IL1RAPL1: variants seen among roughly 807,000 people sequenced by gnomAD.
IL1RAPL1 encodes interleukin 1 receptor accessory protein like 1.
A neutral mutation model predicts 48.4 loss-of-function variants in IL1RAPL1; 3 were observed. The observed-to-expected ratio is 0.06, with a 90% CI of 0.03 to 0.16. IL1RAPL1 has a LOEUF of 0.16. Ranked by LOEUF, IL1RAPL1 falls within the 10% of genes least tolerant of loss-of-function variation. IL1RAPL1 has a pLI of 1.00. For missense variants in IL1RAPL1, 349 were observed against 530.6 expected (o/e 0.66, Z 3.36); for synonymous variants, 185 against 187.7 (o/e 0.99, Z 0.12).
intron 3 of IL1RAPL1, among the ~76,000 whole-genome samples, chrX:29,336,189 GTA>G (rs769850706): frequency 2.8e-4 from 26 of 94,056 alleles, no homozygotes; most frequent in African/African-American, 4.2e-4. Context: ...AGGTGTGTGT[GTA>G]TATATATATA....
At chrX:28,753,822 C>A (rs748789019) in intron 1 of IL1RAPL1, among the ~76,000 whole-genome samples, 1 of 111,188 alleles carries the variant, frequency 9.0e-6, no homozygotes, top group South Asian at 3.8e-4. Flanking sequence ...TCACCCACAT[C>A]TTTTCCCCTA....
In IL1RAPL1 at chrX:28,917,687, T is replaced by C. The variant is rs1923520263; in HGVS notation, c.82+128262T>C. Among the ~76,000 whole-genome samples, 4 of 112,330 alleles carry C rather than the reference T, an allele frequency of 3.6e-5. No homozygotes were observed. In the Admixed American group the frequency reaches 3.8e-4, roughly 11 times the overall value. On this transcript the variant is annotated intron_variant, in intron 2 of 10. Coordinates refer to ENST00000378993, the MANE Select transcript of IL1RAPL1 (RefSeq NM_014271.4). ...AAACACACTATACCTGAGTTGGAAA[T>C]ATCAGCAAATGTGTTTCTAGATGGA...
At chrX:28,829,919 T>C (rs750738689) in intron 2 of IL1RAPL1, among the ~76,000 whole-genome samples, 13 of 111,397 alleles carry the variant, frequency 1.2e-4, no homozygotes, top group Non-Finnish European at 1.9e-4. Context: ...TGGTTTCTTA[T>C]TCTTTTAATA....
intron 1 of IL1RAPL1, among the ~76,000 whole-genome samples, chrX:28,754,946 A>G (rs1054990150): frequency 1.8e-5 from 2 of 112,327 alleles, no homozygotes; most frequent in Non-Finnish European, 3.8e-5. Flanking sequence ...AGTGCAAAGC[A>G]TAGATTATTA....
intron 1 of IL1RAPL1, among the ~76,000 whole-genome samples, chrX:28,747,026 C>G (rs1935987056): frequency 9.0e-6 from 1 of 110,759 alleles, no homozygotes; most frequent in African/African-American, 3.3e-5. Context: ...ATTCTATATA[C>G]ATTTTCTGAG....
At chrX:29,203,823 T>C (rs1209762197) in intron 2 of IL1RAPL1, among the ~76,000 whole-genome samples, 2 of 105,897 alleles carry the variant, frequency 1.9e-5, no homozygotes, top group Admixed American at 2.1e-4. Flanking sequence ...ACTGTATTTT[T>C]GTACCCATTA....
chrX:29,815,607 A>G (rs1930474081), intron 6 of IL1RAPL1, among the ~76,000 whole-genome samples: 1 of 110,969 alleles, frequency 9.0e-6, no homozygotes, highest in Admixed American at 9.6e-5. Flanking sequence ...CTGAGAATTC[A>G]GTATTATGTT....
intron 5 of IL1RAPL1, among the ~76,000 whole-genome samples, chrX:29,454,310 G>A (rs190509823): frequency 8.9e-6 from 1 of 112,200 alleles, no homozygotes; most frequent in East Asian, 2.8e-4. Flanking sequence ...TGTACTCCTT[G>A]AAAAGTCCTC....
chrX:29,153,012 T>A (rs1201541103), intron 2 of IL1RAPL1, among the ~76,000 whole-genome samples: 2 of 112,222 alleles, frequency 1.8e-5, no homozygotes, highest in African/African-American at 6.5e-5. Flanking sequence ...TTTACTAAGC[T>A]AAAGTTAAGG....
intron 2 of IL1RAPL1, among the ~76,000 whole-genome samples, chrX:28,866,237 TG>T (rs1252501910): frequency 8.9e-6 from 1 of 112,204 alleles, no homozygotes; most frequent in African/African-American, 3.2e-5. Context: ...GCAACCTGGA[TG>T]GAACTGGAGA....
chrX:29,136,447 A>G (rs773825693), intron 2 of IL1RAPL1, among the ~76,000 whole-genome samples: 1 of 111,656 alleles, frequency 9.0e-6, no homozygotes, highest in Non-Finnish European at 1.9e-5. Flanking sequence ...TCTTTATTCT[A>G]ATGTCTAAAT....
intron 2 of IL1RAPL1, among the ~76,000 whole-genome samples, chrX:28,925,541 T>C (rs1333858276): frequency 2.7e-5 from 3 of 111,857 alleles, no homozygotes; most frequent in African/African-American, 9.8e-5. Flanking sequence ...ATTTTGTGAA[T>C]TGCCTATTTC....
chrX:29,050,165 G>A (rs1028302232), intron 2 of IL1RAPL1, among the ~76,000 whole-genome samples: 3 of 111,805 alleles, frequency 2.7e-5, no homozygotes, highest in Non-Finnish European at 5.6e-5. Flanking sequence ...TCCTGCCACA[G>A]TGTCCCTAGT....
intron 3 of IL1RAPL1, among the ~76,000 whole-genome samples, chrX:29,302,301 A>C (rs773560641): frequency 2.7e-5 from 3 of 112,223 alleles, no homozygotes; most frequent in Non-Finnish European, 5.6e-5. Context: ...TAAGTCACTC[A>C]ACGTTTAATG....
intron 2 of IL1RAPL1, among the ~76,000 whole-genome samples, chrX:29,122,079 C>A (rs1193237589): frequency 9.0e-6 from 1 of 110,974 alleles, no homozygotes; most frequent in Non-Finnish European, 1.9e-5. Context: ...ATTCAACAAG[C>A]AAGAGTATTC....
At chrX:29,036,568 T>C (rs1240233376) in intron 2 of IL1RAPL1, among the ~76,000 whole-genome samples, 1 of 112,198 alleles carries the variant, frequency 8.9e-6, no homozygotes. Flanking sequence ...GGGAAGTTCT[T>C]TTAATCAAAG....
intron 2 of IL1RAPL1, among the ~76,000 whole-genome samples, chrX:28,857,053 C>T (rs764818532): frequency 2.9e-4 from 33 of 111,873 alleles, no homozygotes; most frequent in Admixed American, 3.8e-4. Flanking sequence ...GCAAAACAGC[C>T]TTATTGATGA....
At chrX:29,511,019 A>G (rs982290302) in intron 5 of IL1RAPL1, among the ~76,000 whole-genome samples, 3 of 111,758 alleles carry the variant, frequency 2.7e-5, no homozygotes, top group South Asian at 3.8e-4. Flanking sequence ...TAGTCGAGTG[A>G]GATGATCTCT....
chrX:29,701,467 G>A (rs1242590183), intron 6 of IL1RAPL1, among the ~76,000 whole-genome samples: 1 of 112,078 alleles, frequency 8.9e-6, no homozygotes, highest in African/African-American at 3.2e-5. Flanking sequence ...TTTGTCTGAT[G>A]TGCCAATACC....
Sources: allele counts gnomAD v4.1 joint callset (sites outside exome capture counted in the v4.1 genomes callset), GRCh38; gene constraint gnomAD v4.1.1; transcripts MANE v1.5; gene names NCBI Gene and HGNC (gene_info 2026-07-23, HGNC 2026-07-21).